The following GALNT9 variants were observed in gnomAD, a reference collection of about 807,000 sequenced individuals.
GALNT9 encodes GalNAc transferase 9.
In GALNT9, 47 loss-of-function variants were observed where a neutral mutation model predicts 63.1. The ratio of observed to expected loss-of-function variants is 0.75; its 90% CI spans 0.59 to 0.95. The LOEUF (loss-of-function observed/expected upper bound fraction) is 0.95, where lower values mean the gene tolerates loss of function less well. Among genes scored for constraint, GALNT9 ranks in the 40% least tolerant of loss-of-function variants. The pLI is 0.00. For missense variants in GALNT9, 829 were observed against 874.8 expected, an observed-to-expected ratio of 0.95 and a Z score of 0.66; for synonymous variants, 396 against 365.7, an observed-to-expected ratio of 1.08 and a Z score of -0.94.
intron 2 of GALNT9, among the ~76,000 whole-genome samples, chr12:132,269,882 C>T (rs1164657376): frequency 6.6e-6 from 1 of 152,198 alleles, no homozygotes; most frequent in Admixed American, 6.5e-5. Context: ...CGGGATCAGC[C>T]AGTTTCCCAG....
chr12:132,263,899 C>T (rs1419149645), intron 2 of GALNT9, among the ~76,000 whole-genome samples: 2 of 152,214 alleles, frequency 1.3e-5, no homozygotes, highest in Admixed American at 1.3e-4. Flanking sequence ...CCCTCCATCA[C>T]TAGGTCAGGA....
chr12:132,263,820 C>T (rs955857219), intron 2 of GALNT9, among the ~76,000 whole-genome samples: 4 of 152,198 alleles, frequency 2.6e-5, no homozygotes, highest in Non-Finnish European at 4.4e-5. Context: ...CTGCCCCCTA[C>T]GCCTCCTCGG....
chr12:132,307,160 G>A (rs1337537346), intron 1 of GALNT9, among the ~76,000 whole-genome samples: 4 of 152,092 alleles, frequency 2.6e-5, no homozygotes, highest in African/African-American at 9.7e-5. Context: ...GGAGTGGTGG[G>A]GACTGCGGCT....
At chr12:132,295,844 C>CGAACAGGGAGAGCCTCT (rs1566016590) in intron 1 of GALNT9, among the ~76,000 whole-genome samples, 15 of 145,038 alleles carry the variant, frequency 1.0e-4, no homozygotes, top group African/African-American at 3.9e-4. Flanking sequence ...GGAGAGCCTC[C>CGAACAGGGAGAGCCTCT]GAACAGGGAC....
rs1593090650 is a variant in GALNT9, at chr12:132,261,114, T to G, written c.595A>C (p.Lys199Gln). The change falls in exon 4 of 11, where the codon AAG becomes CAG. Residue 199 changes from lysine (K) to glutamine (Q), a missense_variant. Lys to Gln is a moderately conservative substitution (Grantham distance 53, BLOSUM62 1). Coordinates refer to ENST00000328957, the MANE Select transcript of GALNT9 (RefSeq NM_001122636.2). Reference protein sequence around the residue: ...VDDNSDNVELKFNLDQYVNKR... With the variant: ...VDDNSDNVELQFNLDQYVNKR... The stretch of plus-strand genomic sequence containing the variant: ...TTGACGTACTGGTCCAGATTGAACT[T>G]GAGTTCCACTGAGGAGAGACAAGAC... 1 of 1,551,112 alleles carries G rather than the reference T, an allele frequency of 6.4e-7. No homozygotes were observed. Among genetic ancestry groups the G allele is most frequent in the Non-Finnish European group, 8.7e-7 (1 of 1,146,836 alleles).
rs1184048838 is a variant in GALNT9, at chr12:132,236,983, C to T, written c.1077+10927G>A. On this transcript the variant is annotated intron_variant, in intron 6 of 10. Coordinates refer to ENST00000328957, the MANE Select transcript of GALNT9 (RefSeq NM_001122636.2). The surrounding 1 kb of genome is among the most constrained non-coding windows in gnomAD (Gnocchi z 5.6). ...TCATCCAATCTGGTAACCCTCGTAT[C>T]CTGGATCTCTCCGGGTGCTCCATGG... Among the ~76,000 whole-genome samples, 5 of 152,202 alleles carry T rather than the reference C, an allele frequency of 3.3e-5. No individual in the cohort carries two copies. Among genetic ancestry groups the T allele is most frequent in the African/African-American group, 7.2e-5 (3 of 41,434 alleles).
At chr12:132,235,005 C>G (rs1362730851) in intron 6 of GALNT9, among the ~76,000 whole-genome samples, 1 of 29,384 alleles carries the variant, frequency 3.4e-5, no homozygotes, top group Non-Finnish European at 5.4e-5. Flanking sequence ...GTGCCACACA[C>G]TCGATGGGGC....
intron 6 of GALNT9, among the ~76,000 whole-genome samples, chr12:132,241,072 G>A (rs2136900609): frequency 2.7e-3 from 83 of 31,052 alleles, no homozygotes; most frequent in Middle Eastern, 0.023. Flanking sequence ...TTACACACAC[G>A]CCACACACCC....
Position 132,210,695 on chromosome 12 carries a change from G to A in GALNT9, c.1078-7005C>T, listed in dbSNP as rs192117878. On this transcript the variant is annotated intron_variant, in intron 6 of 10. Transcript: ENST00000328957. ...ATGGGCAGGCTGTGCTGCGGTCAGGGAAGCTGACCATCTTAATGGTTGAAT... is the reference window on the plus strand; with the variant it reads ...ATGGGCAGGCTGTGCTGCGGTCAGGAAAGCTGACCATCTTAATGGTTGAAT... Among the ~76,000 whole-genome samples, 128 of 152,346 alleles carry A rather than the reference G, an allele frequency of 8.4e-4. No individual in the cohort carries two copies. The Middle Eastern group carries it at 0.01, about 12-fold the overall frequency.
intron 1 of GALNT9, among the ~76,000 whole-genome samples, chr12:132,304,809 G>A (rs1205244106): frequency 3.5e-4 from 13 of 37,480 alleles, no homozygotes; most frequent in African/African-American, 5.5e-4. Context: ...CCTCACCTGG[G>A]CACACCCTCG....
rs1157067824 is a variant in GALNT9 at position 132,329,218 on chromosome 12, C to CG, written c.-16dup. On this transcript the variant is annotated 5_prime_UTR_variant, in exon 1 of 11. Coordinates refer to ENST00000328957, the MANE Select transcript of GALNT9 (RefSeq NM_001122636.2). ...GCCACCGCCATGAACACGGCTGCAG[C>CG]GGGGGCCTCACCCGCGGGGCATCCC... 9 of 1,536,678 alleles carry CG rather than the reference C, an allele frequency of 5.9e-6. No individual in the cohort carries two copies. The East Asian group carries it at 9.9e-5, about 17-fold the overall frequency.
intron 1 of GALNT9, among the ~76,000 whole-genome samples, chr12:132,320,624 G>A (rs563507073): frequency 3.3e-5 from 5 of 152,340 alleles, no homozygotes; most frequent in South Asian, 2.1e-4. Context: ...AGCAAAGCCC[G>A]TGTGCCTGGA....
chr12:132,203,382 C>T lies in GALNT9; in HGVS notation c.1263+123G>A. 3 of 802,380 alleles carry T rather than the reference C, an allele frequency of 3.7e-6. No individual in the cohort carries two copies. The East Asian group carries it at 8.0e-5, about 21-fold the overall frequency. The allele number at this position is 802,380 out of a possible 1,614,324, so 49.7% of individuals were successfully genotyped here. On this transcript the variant is annotated intron_variant, in intron 7 of 10. Transcript: ENST00000328957. ...CACAACTGCTTGCACCTGTGCACAC[C>T]TGTCAACACACCCACTCACACCTGC...
chr12:132,325,827 G>A (rs757743531), intron 1 of GALNT9, among the ~76,000 whole-genome samples: 7 of 152,220 alleles, frequency 4.6e-5, no homozygotes, highest in Admixed American at 2.0e-4. Flanking sequence ...ACTTCCCATC[G>A]CCATCCCTGG....
chr12:132,203,641 G>T lies in GALNT9; in HGVS notation c.1127C>A (p.Ala376Asp), dbSNP rs1442590964. 6 of 1,613,828 alleles carry T rather than the reference G, an allele frequency of 3.7e-6. No homozygotes were observed. The highest frequency in any genetic ancestry group is 5.1e-6 in the Non-Finnish European group (6 of 1,179,854). ...SMEVLPCSRV[A>D]HIERTRKPYN... ...GGGCTTCCTGGTGCGCTCGATGTGG[G>T]CCACGCGGGAGCAGGGCAGCACCTC... The change falls in exon 7 of 11, where the codon GCC becomes GAC. Residue 376 changes from alanine to aspartate, a missense_variant. Transcript: ENST00000328957.
chr12:132,297,336 A>G (rs914626752), intron 1 of GALNT9, among the ~76,000 whole-genome samples: 6 of 151,218 alleles, frequency 4.0e-5, no homozygotes, highest in African/African-American at 7.3e-5. Context: ...GAGATGACCA[A>G]CTCACTCCCA....
chr12:132,310,569 C>T lies in GALNT9; in HGVS notation c.238+18397G>A, dbSNP rs953394403. On this transcript the variant is annotated intron_variant, in intron 1 of 10. Coordinates refer to ENST00000328957, the MANE Select transcript of GALNT9 (RefSeq NM_001122636.2). This position sits in a 1 kb window ranked among gnomAD's most constrained non-coding sequence, Gnocchi z 4.8. ...CTTGGCCGCCTGCTTTCCCAGCACA[C>T]GATACCTGGGATATGTGGGCGGCTG... Among the ~76,000 whole-genome samples, 2 of 152,162 alleles carry T rather than the reference C, an allele frequency of 1.3e-5. No homozygotes were observed. The highest frequency in any genetic ancestry group is 2.9e-5 in the Non-Finnish European group (2 of 68,030).
intron 1 of GALNT9, among the ~76,000 whole-genome samples, chr12:132,322,275 C>T (rs1868837161): frequency 6.6e-6 from 1 of 152,242 alleles, no homozygotes; most frequent in South Asian, 2.1e-4. Context: ...ATGCAACTTA[C>T]TCACTCCCCG....
chr12:132,306,408 C>A (rs1555244659), intron 1 of GALNT9, among the ~76,000 whole-genome samples: 1 of 152,224 alleles, frequency 6.6e-6, no homozygotes, highest in Non-Finnish European at 1.5e-5. Context: ...CTCAGGGGCG[C>A]CCCGGAGCCA....
Sources: allele counts gnomAD v4.1 joint callset (sites outside exome capture counted in the v4.1 genomes callset), GRCh38; gene constraint gnomAD v4.1.1; non-coding constraint Gnocchi (gnomAD v3.1); transcripts MANE v1.5; gene names NCBI Gene and HGNC (gene_info 2026-07-23, HGNC 2026-07-21).